The following NPNT variants were observed in gnomAD, a reference collection of about 807,000 sequenced individuals.
The protein encoded by NPNT is nephronectin.
In NPNT, 45 loss-of-function variants were observed where a neutral mutation model predicts 68.6. That is an observed-to-expected ratio of 0.66 (90% CI 0.52 to 0.84). NPNT has a LOEUF of 0.84. NPNT is among the 40% of genes least tolerant of loss of function. The pLI, the probability that NPNT is intolerant of heterozygous loss-of-function variation, is 0.00. For synonymous variants in NPNT, 233 were observed against 253.3 expected (o/e 0.92, Z 0.76); for missense variants, 672 against 714.8 (o/e 0.94, Z 0.68).
chr4:105,896,474 C>A (rs941586284), intron 1 of NPNT, among the ~76,000 whole-genome samples: 4 of 152,208 alleles, frequency 2.6e-5, no homozygotes, highest in African/African-American at 9.6e-5. Flanking sequence ...GTGAGAGACA[C>A]TGGGTCTGTC....
chr4:105,933,918 T>C (rs568912094), intron 3 of NPNT, among the ~76,000 whole-genome samples: 52 of 152,300 alleles, frequency 3.4e-4, no homozygotes, highest in African/African-American at 6.7e-4. Flanking sequence ...CATTTGAATG[T>C]AAGTGGTTTA....
At position 105,942,663 on chromosome 4, in the gene NPNT, G is replaced by T. The variant is rs151141596; in HGVS notation, c.1120G>T (p.Val374Leu). 3 of 1,613,532 alleles carry T rather than the reference G, an allele frequency of 1.9e-6. No individual in the cohort carries two copies. The South Asian group carries it at 3.3e-5, about 18-fold the overall frequency. Residue 374 changes from valine to leucine, a missense_variant, in exon 8 of 12, where the codon GTA becomes TTA. Val to Leu is a conservative substitution (Grantham distance 32). Coordinates refer to ENST00000379987, the MANE Select transcript of NPNT (RefSeq NM_001033047.3). ...PPGGITVDNR[V>L]QTDPQKPRGD... ...AGGAGGGATTACAGTTGACAACAGGGTACAGACAGACCCTCAGAAACCCAG... is the reference window on the plus strand; with the variant it reads ...AGGAGGGATTACAGTTGACAACAGGTTACAGACAGACCCTCAGAAACCCAG...
chr4:105,955,003 G>T (rs1731108019), intron 8 of NPNT, among the ~76,000 whole-genome samples: 1 of 152,208 alleles, frequency 6.6e-6, no homozygotes, highest in South Asian at 2.1e-4. Flanking sequence ...TCAGTTTCTT[G>T]ACTGACTGCA....
rs1339380460 is a variant in NPNT, at chr4:105,942,589, G to A, written c.1046G>A (p.Arg349Lys). Residue 349 changes from arginine (R) to lysine (K), a missense_variant, in exon 8 of 12, where the codon AGG becomes AAG. Transcript: ENST00000379987. The part of the protein sequence containing the change: ...RTPLPPTTPE[R>K]PTTGLTTIAP... ...CCTCTACCACCTACAACCCCAGAAA[G>A]GCCAACCACCGGACTGACAACTATA... 6.2e-7 allele frequency: 1 copy of A among 1,613,774 alleles called. No homozygotes were observed. Among genetic ancestry groups the A allele is most frequent in the Non-Finnish European group, 8.5e-7 (1 of 1,179,918 alleles).
At chr4:105,923,320 T>C (rs563097683) in intron 2 of NPNT, among the ~76,000 whole-genome samples, 1 of 152,264 alleles carries the variant, frequency 6.6e-6, no homozygotes, top group Admixed American at 6.5e-5. Context: ...ATAAAGTTTT[T>C]TTTTTACATT....
intron 2 of NPNT, among the ~76,000 whole-genome samples, chr4:105,898,335 T>G (rs954695001): frequency 9.7e-6 from 1 of 102,994 alleles, no homozygotes; most frequent in African/African-American, 4.1e-5. Context: ...TCTGTCTCTC[T>G]CTCTCTCTCT....
intron 2 of NPNT, among the ~76,000 whole-genome samples, chr4:105,916,297 G>T (rs1433901098): frequency 6.6e-6 from 1 of 151,242 alleles, no homozygotes; most frequent in Non-Finnish European, 1.5e-5. Context: ...TCTGCTCACT[G>T]CAGCCTCTGC....
At position 105,919,442 on chromosome 4, in the gene NPNT, C is replaced by A. The variant is rs148815548; in HGVS notation, c.173-7894C>A. ...TGATATAATAATGCTATGTAATAAA[C>A]AATCCATATTTAGATTTCCCTAATT... On this transcript the variant is annotated intron_variant, in intron 2 of 11. Transcript: ENST00000379987. Among the ~76,000 whole-genome samples, 962 of 152,158 alleles carry A rather than the reference C, an allele frequency of 6.3e-3. 6 individuals are homozygous for A. Among genetic ancestry groups the A allele is most frequent in the Non-Finnish European group, 8.1e-3 (548 of 67,958 alleles).
intron 2 of NPNT, chr4:105,912,540 A>C: frequency 1.1e-6 from 1 of 870,250 alleles, no homozygotes; most frequent in Non-Finnish European, 1.4e-6. Context: ...TTTAATACTT[A>C]AGGAAGCAAA....
intron 2 of NPNT, 140 bp from the exon 3 acceptor site, chr4:105,927,196 A>G (rs1197451121): frequency 5.3e-6 from 3 of 568,654 alleles, no homozygotes; most frequent in African/African-American, 3.8e-5. Flanking sequence ...GTTTATAGGA[A>G]ACTGATTTTG....
At chr4:105,953,085 G>A (rs960014975) in intron 8 of NPNT, among the ~76,000 whole-genome samples, 1 of 152,172 alleles carries the variant, frequency 6.6e-6, no homozygotes, top group Non-Finnish European at 1.5e-5. Context: ...AGAATTGCTT[G>A]AACCCGGGAG....
chr4:105,929,272 C>G (rs1728930667), intron 3 of NPNT, among the ~76,000 whole-genome samples: 1 of 152,138 alleles, frequency 6.6e-6, no homozygotes, highest in South Asian at 2.1e-4. Flanking sequence ...TGAAAACATA[C>G]TCAAAATGGT....
At chr4:105,947,972 A>G (rs1730519364) in intron 8 of NPNT, among the ~76,000 whole-genome samples, 1 of 152,154 alleles carries the variant, frequency 6.6e-6, no homozygotes, top group Non-Finnish European at 1.5e-5. Context: ...AGTCAAAAAT[A>G]TTTGTTGAAT....
intron 8 of NPNT, among the ~76,000 whole-genome samples, chr4:105,956,294 C>T (rs1731217911): frequency 6.6e-6 from 1 of 152,076 alleles, no homozygotes; most frequent in Admixed American, 6.6e-5. Context: ...AACCCTCCCT[C>T]TTCCCCAACC....
In NPNT at chr4:105,969,018, A is replaced by G. The variant is rs959568914; in HGVS notation, c.*28A>G. On this transcript the variant is annotated 3_prime_UTR_variant, in exon 12 of 12. Transcript: ENST00000379987. ...ACTCCAGAACTAACAATGAACTCCT[A>G]TGTTGCTCTATCCTCTTTTTCCAAT... 5.2e-6 allele frequency: 7 copies of G among 1,355,762 alleles called. No homozygotes were observed. The highest frequency in any genetic ancestry group is 1.2e-5 in the South Asian group (1 of 84,564). 84.0% of individuals were successfully genotyped at this position (1,355,762 alleles called of 1,614,324 possible).
chr4:105,967,326 G>T lies in NPNT; in HGVS notation c.1484G>T (p.Gly495Val). 1 of 1,613,246 alleles carries T rather than the reference G, an allele frequency of 6.2e-7. No homozygotes were observed. Among genetic ancestry groups the T allele is most frequent in the Non-Finnish European group, 8.5e-7 (1 of 1,179,666 alleles). ...FRHKVTGLHS[G>V]TLQVFVRKHG... ...CACAAGGTGACGGGGCTGCACTCTG[G>T]CACACTCCAGGTGTTTGTGAGAAAA... Residue 495 changes from glycine to valine, a missense_variant, in exon 11 of 12, where the codon GGC (glycine) becomes GTC (valine). Coordinates refer to ENST00000379987, the MANE Select transcript of NPNT (RefSeq NM_001033047.3).
At chr4:105,968,844 C>A in intron 11 of NPNT, 51 bp from the exon 12 acceptor site, 1 of 1,023,886 alleles carries the variant, frequency 9.8e-7, no homozygotes, top group Non-Finnish European at 1.5e-6. Context: ...AATAAGGAGG[C>A]ATTAGAAAGG....
At position 105,916,237 on chromosome 4, in the gene NPNT, T is replaced by C. The variant is rs186257737; in HGVS notation, c.173-11099T>C. Among the ~76,000 whole-genome samples the C allele has an allele frequency of 1.6e-4, 24 of 152,098 alleles. No homozygotes were observed. The East Asian group carries it at 4.4e-3, about 28-fold the overall frequency. On this transcript the variant is annotated intron_variant, in intron 2 of 11. Transcript: ENST00000379987. ...GAATTCGTACTTTTTTTTTTTTCTA[T>C]GAGACATAGTCTCATTCTGTCACCT...
chr4:105,919,642 C>A (rs576730935), intron 2 of NPNT, among the ~76,000 whole-genome samples: 1 of 152,160 alleles, frequency 6.6e-6, no homozygotes, highest in African/African-American at 2.4e-5. Context: ...ATATCAATTG[C>A]TTGGTAGAAT....
Sources: allele counts gnomAD v4.1 joint callset (sites outside exome capture counted in the v4.1 genomes callset), GRCh38; gene constraint gnomAD v4.1.1; transcripts MANE v1.5; gene names NCBI Gene and HGNC (gene_info 2026-07-23, HGNC 2026-07-21).